ZSWIM5: variants seen among roughly 807,000 people sequenced by gnomAD.
ZSWIM5 encodes the protein zinc finger SWIM-type containing 5.
In ZSWIM5, 55 loss-of-function variants were observed where a neutral mutation model predicts 119.6. The ratio of observed to expected loss-of-function variants is 0.46; its 90% CI spans 0.37 to 0.58. The LOEUF (loss-of-function observed/expected upper bound fraction) is 0.58. ZSWIM5 is among the 20% of genes least tolerant of loss of function. The pLI is 0.00. For synonymous variants in ZSWIM5, 537 were observed against 606.9 expected (o/e 0.88, Z 1.69); for missense variants, 1,193 against 1,512.8 (o/e 0.79, Z 3.51).
At chr1:45,064,424 T>C (rs1254356369) in intron 2 of ZSWIM5, among the ~76,000 whole-genome samples, 2 of 152,222 alleles carry the variant, frequency 1.3e-5, no homozygotes, top group Admixed American at 6.5e-5. Context: ...TTAATATTTA[T>C]AGAATGAACA....
chr1:45,175,619 T>A (rs1415649196), intron 1 of ZSWIM5, among the ~76,000 whole-genome samples: 1 of 151,854 alleles, frequency 6.6e-6, no homozygotes, highest in African/African-American at 2.4e-5. Context: ...CCCGGCTAAT[T>A]TTTTAAAATT....
chr1:45,144,323 T>C (rs1241400677), intron 1 of ZSWIM5, among the ~76,000 whole-genome samples: 1 of 151,274 alleles, frequency 6.6e-6, no homozygotes, highest in Admixed American at 6.6e-5. Context: ...AGGCCAGGAG[T>C]TCGAGACCAG....
chr1:45,020,524 G>T, intron 12 of ZSWIM5, 101 bp downstream of exon 12: 1 of 1,370,312 alleles, frequency 7.3e-7, no homozygotes, highest in Non-Finnish European at 1.0e-6. Context: ...CAAAGGAAGA[G>T]CCAGACTTGG....
At chr1:45,125,584 G>A (rs1645615974) in intron 1 of ZSWIM5, among the ~76,000 whole-genome samples, 1 of 152,178 alleles carries the variant, frequency 6.6e-6, no homozygotes, top group African/African-American at 2.4e-5. Flanking sequence ...GACCACCCTG[G>A]CTAACATGGT....
At chr1:45,147,773 A>T (rs1180259487) in intron 1 of ZSWIM5, among the ~76,000 whole-genome samples, 1 of 152,096 alleles carries the variant, frequency 6.6e-6, no homozygotes, top group African/African-American at 2.4e-5. Context: ...AAACCCCACA[A>T]AAGCCCTTAG....
At chr1:45,098,999 A>G (rs1003867779) in intron 1 of ZSWIM5, among the ~76,000 whole-genome samples, 3 of 152,208 alleles carry the variant, frequency 2.0e-5, no homozygotes, top group Non-Finnish European at 4.4e-5. Flanking sequence ...CTAGAGAAGC[A>G]AGAGCAAACA....
Position 45,203,647 on chromosome 1 carries a change from T to C in ZSWIM5, c.595+2109A>G, listed in dbSNP as rs551975527. On this transcript the variant is annotated intron_variant, in intron 1 of 13. Transcript: ENST00000359600. ...CTTACTCATCTCTTGGCAATACTTT[T>C]AGAAAGCCTACTCTCTAGATTAAGT... Among the ~76,000 whole-genome samples, 7 of 152,200 alleles carry C rather than the reference T, an allele frequency of 4.6e-5. No individual in the cohort carries two copies. The South Asian group carries it at 1.2e-3, about 27-fold the overall frequency.
At chr1:45,161,558 G>A (rs1464415865) in intron 1 of ZSWIM5, among the ~76,000 whole-genome samples, 1 of 152,042 alleles carries the variant, frequency 6.6e-6, no homozygotes, top group Non-Finnish European at 1.5e-5. Context: ...AGTATACTAT[G>A]GTCTGTCAAA....
chr1:45,154,571 T>C (rs12083286), intron 1 of ZSWIM5, among the ~76,000 whole-genome samples: 4 of 152,126 alleles, frequency 2.6e-5, no homozygotes, highest in African/African-American at 9.7e-5. Context: ...TCCTCATCTC[T>C]CACCTTACAC....
Position 45,039,088 on chromosome 1 carries a change from G to A in ZSWIM5, c.1757-15C>T, listed in dbSNP as rs750490290. The A allele has an allele frequency of 2.3e-5, 37 of 1,613,396 alleles. No homozygotes were observed. The highest frequency in any genetic ancestry group is 1.4e-4 in the South Asian group (13 of 91,064). On this transcript the variant is annotated splice_polypyrimidine_tract_variant and intron_variant, in intron 7 of 13. Coordinates refer to ENST00000359600, the MANE Select transcript of ZSWIM5 (RefSeq NM_020883.2). ...CTGCAACAGTTCTGGAAACAAGCAG[G>A]TTAAAATTTTAGACAGTGATAGAGA...
intron 1 of ZSWIM5, among the ~76,000 whole-genome samples, chr1:45,106,422 CAT>C (rs1645478911): frequency 6.8e-6 from 1 of 147,750 alleles, no homozygotes; most frequent in Admixed American, 6.7e-5. Context: ...CCGGCCGCCC[CAT>C]CTGGGATATG....
intron 1 of ZSWIM5, among the ~76,000 whole-genome samples, chr1:45,103,571 G>A (rs1645452838): frequency 1.3e-5 from 2 of 152,138 alleles, no homozygotes; most frequent in Admixed American, 1.3e-4. Context: ...AAGGTAATTA[G>A]CAAGTGTAAT....
chr1:45,169,080 T>C (rs1205712240), intron 1 of ZSWIM5, among the ~76,000 whole-genome samples: 1 of 152,058 alleles, frequency 6.6e-6, no homozygotes, highest in Non-Finnish European at 1.5e-5. Flanking sequence ...GCCCATCTCT[T>C]ACGCACTCTC....
chr1:45,075,191 T>C (rs762843593), intron 2 of ZSWIM5, among the ~76,000 whole-genome samples: 36 of 152,020 alleles, frequency 2.4e-4, no homozygotes, highest in Non-Finnish European at 4.9e-4. Context: ...CTGCAGCTGC[T>C]GGCTGAAATG....
chr1:45,076,944 C>A (rs1343494597), intron 2 of ZSWIM5, among the ~76,000 whole-genome samples: 1 of 151,934 alleles, frequency 6.6e-6, no homozygotes, highest in Non-Finnish European at 1.5e-5. Context: ...AGAATTTTTG[C>A]TTCTTTTGGA....
At chr1:45,172,640 C>T (rs1645953092) in intron 1 of ZSWIM5, among the ~76,000 whole-genome samples, 1 of 152,002 alleles carries the variant, frequency 6.6e-6, no homozygotes, top group Non-Finnish European at 1.5e-5. Flanking sequence ...CTCAGATACA[C>T]TACCTCTTGC....
chr1:45,144,342 G>A (rs1645748284), intron 1 of ZSWIM5, among the ~76,000 whole-genome samples: 2 of 151,380 alleles, frequency 1.3e-5, no homozygotes, highest in Admixed American at 1.3e-4. Context: ...AGCAAGGTCA[G>A]TATCACGAGA....
intron 1 of ZSWIM5, among the ~76,000 whole-genome samples, chr1:45,182,968 C>G (rs1279504808): frequency 1.1e-4 from 17 of 149,502 alleles, no homozygotes; most frequent in African/African-American, 3.9e-4. Context: ...CCACACCACA[C>G]CTATTCCAAA....
chr1:45,092,572 G>A (rs1394575359), intron 1 of ZSWIM5, among the ~76,000 whole-genome samples: 1 of 112,386 alleles, frequency 8.9e-6, no homozygotes, highest in Non-Finnish European at 1.7e-5. Flanking sequence ...CAAAGTGCTA[G>A]GATTACAGGC....
Sources: gnomAD v4.1 joint callset for allele counts (sites outside exome capture counted in the v4.1 genomes callset) on GRCh38, gnomAD v4.1.1 for gene constraint, MANE v1.5 for transcripts, NCBI Gene and HGNC (gene_info 2026-07-23, HGNC 2026-07-21) for gene names.